SUCLG1: variants seen among roughly 807,000 people sequenced by gnomAD.
SUCLG1 encodes the protein succinate-CoA ligase GDP/ADP-forming subunit alpha.
SUCLG1 carries 26 observed loss-of-function variants against 37.3 expected under a neutral mutation model. The ratio of observed to expected loss-of-function variants is 0.70; its 90% CI spans 0.51 to 0.97. The LOEUF is 0.97. SUCLG1 is among the 50% of genes least tolerant of loss of function. The pLI, the probability that SUCLG1 is intolerant of heterozygous loss-of-function variation, is 0.00. For missense variants in SUCLG1, 433 were observed against 432.9 expected, an observed-to-expected ratio of 1.00 and a Z score of 0.00; for synonymous variants, 163 against 155.6, an observed-to-expected ratio of 1.05 and a Z score of -0.36.
At chr2:84,443,878 T>C (rs1480393772) in intron 2 of SUCLG1, among the ~76,000 whole-genome samples, 2 of 152,208 alleles carry the variant, frequency 1.3e-5, no homozygotes, top group Non-Finnish European at 2.9e-5. Flanking sequence ...TTTAAATTAA[T>C]GATCACTCAC....
chr2:84,456,170 C>T (rs189551484), intron 1 of SUCLG1, among the ~76,000 whole-genome samples: 131 of 152,144 alleles, frequency 8.6e-4, no homozygotes, highest in Non-Finnish European at 1.3e-3. Context: ...TTGGCAAACA[C>T]GGGGAAAAGG....
At chr2:84,445,290 G>A (rs574390345) in intron 2 of SUCLG1, among the ~76,000 whole-genome samples, 54 of 152,232 alleles carry the variant, frequency 3.5e-4, no homozygotes, top group African/African-American at 1.2e-3. Flanking sequence ...CGGTCCCTCC[G>A]TTCAGGGTTC....
chr2:84,446,907 C>A (rs998007073), intron 2 of SUCLG1, among the ~76,000 whole-genome samples: 1 of 152,122 alleles, frequency 6.6e-6, no homozygotes, highest in Admixed American at 6.5e-5. Flanking sequence ...CTGCCCTAGA[C>A]TACACTGCCA....
intron 5 of SUCLG1, among the ~76,000 whole-genome samples, chr2:84,440,678 G>A (rs1189763853): frequency 6.6e-6 from 1 of 152,130 alleles, no homozygotes; most frequent in Non-Finnish European, 1.5e-5. Flanking sequence ...ATGGGAGAAT[G>A]AATAAACAAA....
intron 5 of SUCLG1, 130 bp from the exon 6 acceptor site, chr2:84,433,565 A>T: frequency 2.6e-6 from 2 of 761,026 alleles, no homozygotes; most frequent in Non-Finnish European, 4.6e-6. Context: ...TGCCATCAAA[A>T]TCAATAGTAT....
At chr2:84,441,817 T>A (rs1672778679) in intron 3 of SUCLG1, among the ~76,000 whole-genome samples, 1 of 152,026 alleles carries the variant, frequency 6.6e-6, no homozygotes, top group Non-Finnish European at 1.5e-5. Flanking sequence ...CTGTTCAAGA[T>A]GATAACAGAG....
Position 84,458,756 on chromosome 2 carries a change from G to A in SUCLG1, c.97+417C>T, listed in dbSNP as rs1385920074. 3.9e-5 allele frequency among the ~76,000 whole-genome samples: 6 copies of A among 152,030 alleles called. No individual in the cohort carries two copies. In the East Asian group the frequency reaches 7.7e-4, roughly 20 times the overall value. On this transcript the variant is annotated intron_variant, in intron 1 of 8. Coordinates refer to ENST00000393868, the MANE Select transcript of SUCLG1 (RefSeq NM_003849.4). ...CAGCCTCATCCCCCAACTTCCTACT[G>A]AGACACTCTTCCTCTACCTCTCAAC...
chr2:84,448,264 T>C (rs767250641), intron 2 of SUCLG1, among the ~76,000 whole-genome samples: 2 of 151,948 alleles, frequency 1.3e-5, no homozygotes, highest in Non-Finnish European at 2.9e-5. Flanking sequence ...TTTGGCCCAC[T>C]ACCTGGTTTT....
At position 84,445,990 on chromosome 2, in the gene SUCLG1, C is replaced by T. The variant is rs563859738; in HGVS notation, c.202-2590G>A. 2.0e-4 allele frequency among the ~76,000 whole-genome samples: 30 copies of T among 152,390 alleles called. No homozygotes were observed. In the South Asian group the frequency reaches 6.2e-3, roughly 32 times the overall value. On this transcript the variant is annotated intron_variant, in intron 2 of 8. Coordinates refer to ENST00000393868, the MANE Select transcript of SUCLG1 (RefSeq NM_003849.4). ...ACTTATTACACTCCAGCCACGCTGG[C>T]CTTGTGGCTTCCACACAGCAGGCAC...
At chr2:84,437,908 A>G (rs1208307039) in intron 5 of SUCLG1, among the ~76,000 whole-genome samples, 1 of 152,234 alleles carries the variant, frequency 6.6e-6, no homozygotes, top group Non-Finnish European at 1.5e-5. Flanking sequence ...TTGATACACA[A>G]CAAGCTGGAT....
intron 5 of SUCLG1, among the ~76,000 whole-genome samples, chr2:84,440,845 G>A (rs765027472): frequency 2.0e-5 from 3 of 152,198 alleles, no homozygotes; most frequent in Non-Finnish European, 2.9e-5. Flanking sequence ...AATCTTCACT[G>A]ATTCTGCAGA....
At chr2:84,447,210 G>A (rs1248162127) in intron 2 of SUCLG1, among the ~76,000 whole-genome samples, 3 of 152,120 alleles carry the variant, frequency 2.0e-5, no homozygotes, top group African/African-American at 7.2e-5. Context: ...GATTTACTGT[G>A]GAAGTAAGTT....
chr2:84,447,772 C>T (rs1573373625), intron 2 of SUCLG1, among the ~76,000 whole-genome samples: 2 of 152,054 alleles, frequency 1.3e-5, no homozygotes, highest in African/African-American at 4.8e-5. Context: ...ACTCTGTCAC[C>T]CAAGCTGGAG....
intron 6 of SUCLG1, chr2:84,432,826 T>A (rs1672630687): frequency 6.6e-6 from 1 of 152,158 alleles, no homozygotes; most frequent in Non-Finnish European, 1.5e-5. Flanking sequence ...AAATTTGTAA[T>A]TTTTACTTTT....
intron 6 of SUCLG1, among the ~76,000 whole-genome samples, chr2:84,432,031 G>A (rs562215364): frequency 1.3e-3 from 205 of 152,270 alleles, no homozygotes; most frequent in African/African-American, 4.7e-3. Context: ...GCATGCTGAT[G>A]TTACACCAGA....
intron 7 of SUCLG1, among the ~76,000 whole-genome samples, chr2:84,427,184 A>G (rs1422274277): frequency 6.6e-6 from 1 of 152,230 alleles, no homozygotes; most frequent in African/African-American, 2.4e-5. Flanking sequence ...TATAAAAGGA[A>G]AATCCAGCCT....
intron 6 of SUCLG1, 120 bp from the exon 7 acceptor site, chr2:84,431,779 T>C (rs1283191179): frequency 1.0e-6 from 1 of 976,978 alleles, no homozygotes; most frequent in Non-Finnish European, 1.6e-6. Flanking sequence ...TATTTTTAAA[T>C]GTATCATTGC....
At chr2:84,444,044 T>C (rs1310561810) in intron 2 of SUCLG1, among the ~76,000 whole-genome samples, 1 of 152,192 alleles carries the variant, frequency 6.6e-6, no homozygotes, top group Non-Finnish European at 1.5e-5. Flanking sequence ...GCAGCATCCA[T>C]GGGCTCCACT....
intron 7 of SUCLG1, among the ~76,000 whole-genome samples, chr2:84,430,333 A>G (rs181228766): frequency 3.3e-4 from 50 of 152,326 alleles, no homozygotes; most frequent in African/African-American, 1.1e-3. Context: ...CATTTTTCCA[A>G]TAAGGAACCT....
Sources: gnomAD v4.1 joint callset for allele counts (sites outside exome capture counted in the v4.1 genomes callset) on GRCh38, gnomAD v4.1.1 for gene constraint, MANE v1.5 for transcripts, NCBI Gene and HGNC (gene_info 2026-07-23, HGNC 2026-07-21) for gene names.